The following RUNDC3B variants were observed in gnomAD, a reference collection of about 807,000 sequenced individuals.
RUNDC3B encodes the protein RUN domain-containing protein 3B.
A neutral mutation model predicts 58.4 loss-of-function variants in RUNDC3B; 33 were observed. The observed-to-expected ratio is 0.56, with a 90% CI of 0.43 to 0.75. The LOEUF is 0.75. Ranked by LOEUF, RUNDC3B falls within the 30% of genes least tolerant of loss-of-function variation. RUNDC3B has a pLI of 0.00. For synonymous variants in RUNDC3B, 193 were observed against 195.2 expected (o/e 0.99, Z 0.10); for missense variants, 501 against 535.7 (o/e 0.94, Z 0.64).
intron 6 of RUNDC3B, among the ~76,000 whole-genome samples, chr7:87,745,005 C>G (rs1050153688): frequency 6.6e-6 from 1 of 152,008 alleles, no homozygotes; most frequent in Non-Finnish European, 1.5e-5. Context: ...GCCGATTTTG[C>G]TGACATTTTT....
At chr7:87,763,526 A>G (rs901687357) in intron 6 of RUNDC3B, among the ~76,000 whole-genome samples, 3 of 151,642 alleles carry the variant, frequency 2.0e-5, no homozygotes, top group African/African-American at 7.2e-5. Flanking sequence ...ATTTTGCTGG[A>G]TATGTGTCCT....
intron 8 of RUNDC3B, among the ~76,000 whole-genome samples, chr7:87,793,206 A>G (rs1389959630): frequency 6.6e-6 from 1 of 152,062 alleles, no homozygotes; most frequent in African/African-American, 2.4e-5. Context: ...CCATAATAAA[A>G]AGCATCATAG....
chr7:87,732,814 T>TAGAAGTACAGTACATTTGTATGG (rs1831668389), intron 4 of RUNDC3B, among the ~76,000 whole-genome samples: 3 of 152,166 alleles, frequency 2.0e-5, no homozygotes, highest in African/African-American at 7.2e-5. Context: ...CATTTGTATG[T>TAGAAGTACAGTACATTTGTATGG]AGAAGTACAG....
chr7:87,706,166 T>C (rs1221149776), intron 3 of RUNDC3B, among the ~76,000 whole-genome samples: 2 of 152,216 alleles, frequency 1.3e-5, no homozygotes, highest in African/African-American at 2.4e-5. Flanking sequence ...CCATGCATCT[T>C]TCCATCCAAT....
chr7:87,744,025 C>T (rs760723687), intron 6 of RUNDC3B, among the ~76,000 whole-genome samples: 5 of 152,194 alleles, frequency 3.3e-5, no homozygotes, highest in Non-Finnish European at 5.9e-5. Context: ...CATTCTCCTT[C>T]ATGTGGCTAG....
intron 7 of RUNDC3B, among the ~76,000 whole-genome samples, chr7:87,771,288 A>G (rs1216982494): frequency 1.1e-4 from 17 of 151,960 alleles, no homozygotes; most frequent in Admixed American, 1.1e-3. Context: ...GGAAAGCCCA[A>G]TGGAATTAGT....
chr7:87,704,824 G>A (rs1563148371), intron 3 of RUNDC3B, among the ~76,000 whole-genome samples: 2 of 152,198 alleles, frequency 1.3e-5, no homozygotes, highest in Admixed American at 1.3e-4. Flanking sequence ...GAAAAGAGCA[G>A]TTTACTTAAT....
chr7:87,732,192 T>C (rs1831619836), intron 4 of RUNDC3B, among the ~76,000 whole-genome samples: 1 of 151,550 alleles, frequency 6.6e-6, no homozygotes, highest in African/African-American at 2.4e-5. Context: ...AAGAAGAAAA[T>C]TTAAAAAAAC....
intron 3 of RUNDC3B, among the ~76,000 whole-genome samples, chr7:87,708,561 A>G (rs1829805606): frequency 6.6e-6 from 1 of 152,152 alleles, no homozygotes. Flanking sequence ...GGTTTTTAAG[A>G]GTTAATTGTA....
chr7:87,788,634 A>G (rs541322874), intron 8 of RUNDC3B, among the ~76,000 whole-genome samples: 153 of 151,614 alleles, frequency 1.0e-3, no homozygotes, highest in Middle Eastern at 3.4e-3. Context: ...TACCAATTGT[A>G]CTTTGGATCA....
intron 3 of RUNDC3B, among the ~76,000 whole-genome samples, chr7:87,708,134 A>G (rs1829770184): frequency 6.6e-6 from 1 of 152,162 alleles, no homozygotes; most frequent in East Asian, 1.9e-4. Context: ...AAGTCAAAGT[A>G]GAAGGAAAGA....
intron 6 of RUNDC3B, among the ~76,000 whole-genome samples, chr7:87,752,329 G>C (rs1322197494): frequency 6.6e-6 from 1 of 152,020 alleles, no homozygotes; most frequent in Non-Finnish European, 1.5e-5. Flanking sequence ...TATTGGTCTA[G>C]AATTCTCTTT....
chr7:87,700,647 C>T (rs963346499), intron 3 of RUNDC3B, 93 bp downstream of exon 3: 6 of 1,213,840 alleles, frequency 4.9e-6, no homozygotes, highest in Non-Finnish European at 6.9e-6. Flanking sequence ...CTATGAATTT[C>T]CTTTTCTTAA....
At chr7:87,682,426 A>G (rs921804986) in intron 2 of RUNDC3B, among the ~76,000 whole-genome samples, 2 of 152,204 alleles carry the variant, frequency 1.3e-5, no homozygotes, top group Non-Finnish European at 2.9e-5. Flanking sequence ...CTCATTGTCT[A>G]TGGAGGCTAG....
At chr7:87,673,299 T>A (rs1045734087) in intron 2 of RUNDC3B, among the ~76,000 whole-genome samples, 2 of 152,242 alleles carry the variant, frequency 1.3e-5, no homozygotes, top group Non-Finnish European at 2.9e-5. Flanking sequence ...ATGGTTGTTA[T>A]CCTCAAATAT....
chr7:87,758,570 TATTC>T (rs1213028417), intron 6 of RUNDC3B, among the ~76,000 whole-genome samples: 1 of 152,174 alleles, frequency 6.6e-6, no homozygotes, highest in Non-Finnish European at 1.5e-5. Flanking sequence ...ATTTGCAAGC[TATTC>T]ATCTGACAAG....
At position 87,754,475 on chromosome 7, in the gene RUNDC3B, A is replaced by G. The variant is rs1563187080; in HGVS notation, c.629+12896A>G. Reference sequence around the variant, plus strand: ...AGGAAGTTCATACCACTAAATGTCCACATGAAAATGTAGGAAAGATCTCAA... The same window carrying G: ...AGGAAGTTCATACCACTAAATGTCCGCATGAAAATGTAGGAAAGATCTCAA... On this transcript the variant is annotated intron_variant, in intron 6 of 10. Coordinates refer to ENST00000394654, the MANE Select transcript of RUNDC3B (RefSeq NM_001134405.2). Among the ~76,000 whole-genome samples the G allele has an allele frequency of 2.6e-5, 4 of 152,236 alleles. No individual in the cohort carries two copies. The South Asian group carries it at 8.3e-4, about 32-fold the overall frequency.
At chr7:87,691,833 G>A (rs1291488664) in intron 2 of RUNDC3B, among the ~76,000 whole-genome samples, 2 of 152,168 alleles carry the variant, frequency 1.3e-5, no homozygotes, top group African/African-American at 4.8e-5. Context: ...TAAGGAGTAG[G>A]TCAGCTTGAA....
chr7:87,739,369 T>G (rs1449946633), intron 4 of RUNDC3B, among the ~76,000 whole-genome samples: 1 of 151,992 alleles, frequency 6.6e-6, no homozygotes. Context: ...AGAACTTAAT[T>G]TTATCTTATT....
Sources: allele counts gnomAD v4.1 joint callset (sites outside exome capture counted in the v4.1 genomes callset), GRCh38; gene constraint gnomAD v4.1.1; transcripts MANE v1.5; gene names NCBI Gene and HGNC (gene_info 2026-07-23, HGNC 2026-07-21).